NIM1K: variants seen among roughly 807,000 people sequenced by gnomAD.
NIM1K encodes NIM1 serine/threonine protein kinase, also known as serine/threonine-protein kinase NIM1.
Under a neutral mutation model 37.1 loss-of-function variants are expected in NIM1K, and 35 were observed. The ratio of observed to expected loss-of-function variants is 0.94; its 90% confidence interval spans 0.72 to 1.25. The LOEUF (loss-of-function observed/expected upper bound fraction) is 1.25. Among genes scored for constraint, NIM1K ranks in the 50% most tolerant of loss-of-function variants. NIM1K has a pLI of 0.00. For missense variants in NIM1K, 564 were observed against 548.0 expected (o/e 1.03, Z -0.29); for synonymous variants, 234 against 206.6 (o/e 1.13, Z -1.14).
chr5:43,265,640 T>G (rs962867260), intron 2 of NIM1K, among the ~76,000 whole-genome samples: 1 of 152,222 alleles, frequency 6.6e-6, no homozygotes, highest in Non-Finnish European at 1.5e-5. Flanking sequence ...AAATTCATTC[T>G]CCGTCCAGCT....
chr5:43,242,793 G>C (rs1413242469), intron 1 of NIM1K: 1 of 150,102 alleles, frequency 6.7e-6, no homozygotes, highest in Non-Finnish European at 1.5e-5. Flanking sequence ...ACAAGTTCCT[G>C]CCCACCTGGT....
chr5:43,221,464 A>AAAAAG (rs1561077677), intron 1 of NIM1K, among the ~76,000 whole-genome samples: 2 of 151,616 alleles, frequency 1.3e-5, no homozygotes, highest in East Asian at 1.9e-4. Context: ...AAAAAAAAAA[A>AAAAAG]AAAAGAAAAG....
intron 3 of NIM1K, among the ~76,000 whole-genome samples, chr5:43,279,588 A>C (rs142259168): frequency 2.8e-3 from 430 of 152,366 alleles, no homozygotes; most frequent in African/African-American, 9.1e-3. Flanking sequence ...CCGGAAAGTC[A>C]GGGGAGGGCT....
At chr5:43,199,190 A>AAC in intron 1 of NIM1K, among the ~76,000 whole-genome samples, 1 of 14,184 alleles carries the variant, frequency 7.1e-5, no homozygotes, top group African/African-American at 2.2e-4. Context: ...CTCTGTCTCC[A>AAC]AAAAAAAAAA....
At chr5:43,219,871 C>A (rs903440197) in intron 1 of NIM1K, among the ~76,000 whole-genome samples, 2 of 151,668 alleles carry the variant, frequency 1.3e-5, no homozygotes, top group African/African-American at 4.9e-5. Context: ...GGACTACAGG[C>A]GTGTGCTACC....
intron 2 of NIM1K, among the ~76,000 whole-genome samples, chr5:43,258,443 AC>A (rs1243791593): frequency 2.7e-5 from 4 of 149,994 alleles, no homozygotes; most frequent in South Asian, 4.2e-4. Flanking sequence ...TTTTTGGTAA[AC>A]TTTTTTTTTT....
At chr5:43,202,200 C>T (rs1159597637) in intron 1 of NIM1K, among the ~76,000 whole-genome samples, 1 of 150,806 alleles carries the variant, frequency 6.6e-6, no homozygotes, top group African/African-American at 2.4e-5. Flanking sequence ...TTTTATTTTT[C>T]AGAAACAGGA....
In NIM1K at chr5:43,207,215, G is replaced by A; in HGVS notation, c.-695+14804G>A. On this transcript the variant is annotated intron_variant, in intron 1 of 3. Transcript: ENST00000326035. The stretch of plus-strand genomic sequence containing the variant: ...TGTTAATTTGGCAGAGAGTGATTTG[G>A]CATATACCTGGGACATCATGGGAAG... 4.0e-6 allele frequency: 3 copies of A among 751,622 alleles called. No individual in the cohort carries two copies. The Admixed American group carries it at 5.2e-5, about 13-fold the overall frequency. 46.6% of individuals were successfully genotyped at this position (751,622 alleles called of 1,614,324 possible).
Position 43,280,628 on chromosome 5 carries a change from CCA to C in NIM1K, c.1211_1212del (p.Pro404ArgfsTer8). 6.2e-7 allele frequency: 1 copy of C among 1,613,964 alleles called. No homozygotes were observed. On this transcript the variant is annotated frameshift_variant, in exon 4 of 4. Coordinates refer to ENST00000326035, the MANE Select transcript of NIM1K (RefSeq NM_153361.4). LOFTEE classifies it high-confidence loss of function. ...VQRKKALESV[P>X]VMMLPDPKER... ...AAGGAAGAAGGCTTTGGAAAGTGTC[CCA>C]GTCATGATGCTACCAGACCCTAAAG... is the stretch of plus-strand genomic sequence containing the variant.
chr5:43,276,415 G>A (rs945675984), intron 2 of NIM1K, among the ~76,000 whole-genome samples: 5 of 152,224 alleles, frequency 3.3e-5, no homozygotes, highest in East Asian at 1.9e-4. Flanking sequence ...AACTCAGAGC[G>A]AGAGCTCACT....
chr5:43,238,323 G>A lies in NIM1K; in HGVS notation c.-694-6759G>A, dbSNP rs556799447. ...CTCCCAAAGTGCTGGGATTACAGGC[G>A]TGAGCCACTGCGCCCGGCCAATTTA... is the stretch of plus-strand genomic sequence containing the variant. On this transcript the variant is annotated intron_variant, in intron 1 of 3. Transcript: ENST00000326035. Among the ~76,000 whole-genome samples, 12 of 152,008 alleles carry A rather than the reference G, an allele frequency of 7.9e-5. No individual in the cohort carries two copies. The East Asian group carries it at 1.7e-3, about 22-fold the overall frequency.
At chr5:43,195,435 A>AGTT in intron 1 of NIM1K, among the ~76,000 whole-genome samples, 1 of 152,250 alleles carries the variant, frequency 6.6e-6, no homozygotes, top group African/African-American at 2.4e-5. Context: ...AAGCAGAAGG[A>AGTT]CTGCTTGAGC....
intron 2 of NIM1K, among the ~76,000 whole-genome samples, chr5:43,263,259 G>C (rs561481692): frequency 7.5e-4 from 114 of 152,138 alleles, no homozygotes; most frequent in Non-Finnish European, 5.6e-4. Flanking sequence ...TTGGTTGGTA[G>C]GCTATTAATT....
At chr5:43,259,253 C>T (rs952733080) in intron 2 of NIM1K, among the ~76,000 whole-genome samples, 1 of 152,132 alleles carries the variant, frequency 6.6e-6, no homozygotes, top group Non-Finnish European at 1.5e-5. Context: ...GACTTCTTTT[C>T]CTTTGGGGAG....
At chr5:43,262,532 A>G (rs968190292) in intron 2 of NIM1K, among the ~76,000 whole-genome samples, 1 of 152,208 alleles carries the variant, frequency 6.6e-6, no homozygotes, top group Non-Finnish European at 1.5e-5. Flanking sequence ...TTTTCTAGAT[A>G]TACAATCATG....
In NIM1K at chr5:43,206,069, A is replaced by G. The variant is rs533996673; in HGVS notation, c.-695+13658A>G. On this transcript the variant is annotated intron_variant, in intron 1 of 3. Coordinates refer to ENST00000326035, the MANE Select transcript of NIM1K (RefSeq NM_153361.4). ...CCTACCATATCCTAGGTTGCACTAC[A>G]TACTAGGGAATATTGAAAATATGAA... Among the ~76,000 whole-genome samples, 9 of 152,186 alleles carry G rather than the reference A, an allele frequency of 5.9e-5. No homozygotes were observed. In the South Asian group the frequency reaches 1.9e-3, roughly 32 times the overall value.
intron 2 of NIM1K, among the ~76,000 whole-genome samples, chr5:43,252,750 G>T (rs965473889): frequency 6.6e-6 from 1 of 152,036 alleles, no homozygotes; most frequent in Non-Finnish European, 1.5e-5. Context: ...CCCCTTTTAG[G>T]CTGATTAGAA....
intron 2 of NIM1K, among the ~76,000 whole-genome samples, chr5:43,249,927 A>G (rs1390852250): frequency 7.3e-6 from 1 of 136,452 alleles, no homozygotes; most frequent in East Asian, 2.1e-4. Context: ...ATCTTGGCTC[A>G]CTGCAAGCTC....
intron 2 of NIM1K, among the ~76,000 whole-genome samples, chr5:43,266,340 C>T (rs1381147613): frequency 2.6e-5 from 4 of 152,218 alleles, no homozygotes; most frequent in African/African-American, 9.7e-5. Flanking sequence ...CTCCACCAGC[C>T]TCATTGCCAC....
Sources: allele counts gnomAD v4.1 joint callset (sites outside exome capture counted in the v4.1 genomes callset), GRCh38; gene constraint gnomAD v4.1.1; transcripts MANE v1.5; gene names NCBI Gene and HGNC (gene_info 2026-07-23, HGNC 2026-07-21).